The following KANK1 variants were observed in gnomAD, a reference collection of about 807,000 sequenced individuals.
The protein encoded by KANK1 is KN motif and ankyrin repeat domain-containing protein 1.
KANK1 carries 109 observed loss-of-function variants against 106.2 expected under a neutral mutation model. That is an observed-to-expected ratio of 1.03 (90% CI 0.88 to 1.20). The LOEUF is 1.20. Ranked by LOEUF, KANK1 falls within the 50% of genes most tolerant of loss-of-function variation. The pLI, the probability that KANK1 is intolerant of heterozygous loss-of-function variation, is 0.00. For missense variants in KANK1, 2,399 were observed against 1,710.7 expected, an observed-to-expected ratio of 1.40 and a Z score of -7.10; for synonymous variants, 873 against 652.2, an observed-to-expected ratio of 1.34 and a Z score of -5.16.
At position 567,611 on chromosome 9, in the gene KANK1, A is replaced by G. The variant is rs535840618; in HGVS notation, c.-84+62857A>G. Among the ~76,000 whole-genome samples the G allele has an allele frequency of 2.0e-5, 3 of 152,304 alleles. No homozygotes were observed. In the East Asian group the frequency reaches 5.8e-4, roughly 29 times the overall value. ...GCATTGATTGGAGCCAGCAAAGAGA[A>G]CTTTTGCAGCATTTCTTAGTTTGAA... On this transcript the variant is annotated intron_variant, in intron 1 of 11. Coordinates refer to ENST00000382297, the MANE Select transcript of KANK1 (RefSeq NM_015158.5).
intron 1 of KANK1, among the ~76,000 whole-genome samples, chr9:516,980 C>G (rs2059305835): frequency 1.5e-5 from 2 of 133,886 alleles, no homozygotes; most frequent in Admixed American, 7.3e-5. Flanking sequence ...AGTGTGGTTT[C>G]TATTCTTCAT....
At chr9:635,645 C>T (rs1369317861) in intron 1 of KANK1, among the ~76,000 whole-genome samples, 1 of 149,548 alleles carries the variant, frequency 6.7e-6, no homozygotes, top group Non-Finnish European at 1.5e-5. Flanking sequence ...ATGTGGCATT[C>T]ACAATTTATT....
chr9:728,008 C>T (rs1831191558), intron 3 of KANK1, among the ~76,000 whole-genome samples: 1 of 152,086 alleles, frequency 6.6e-6, no homozygotes, highest in African/African-American at 2.4e-5. Flanking sequence ...GGAATTCAGG[C>T]ACAACTGACC....
intron 1 of KANK1, among the ~76,000 whole-genome samples, chr9:561,122 C>G (rs962954753): frequency 3.3e-5 from 5 of 152,106 alleles, no homozygotes; most frequent in Non-Finnish European, 7.4e-5. Context: ...AAACTATGCC[C>G]TACCAGGAAT....
rs374023671 is a variant in KANK1, at chr9:711,588, G to A, written c.822G>A (p.Leu274=). 11 of 1,614,126 alleles carry A rather than the reference G, an allele frequency of 6.8e-6. No individual in the cohort carries two copies. In the African/African-American group the frequency reaches 1.5e-4, roughly 22 times the overall value. ...AGATGGCCATTGCTCTGAAACGCCTGAAGGAGCTGGAGGAGCAGGTGCGAA... is the reference window on the plus strand; with the variant it reads ...AGATGGCCATTGCTCTGAAACGCCTAAAGGAGCTGGAGGAGCAGGTGCGAA... ...REQMAIALKR[L]KELEEQVRTI... Residue 274 remains leucine (L), a synonymous_variant, in exon 3 of 12, where the codon CTG becomes CTA. Coordinates refer to ENST00000382297, the MANE Select transcript of KANK1 (RefSeq NM_015158.5).
chr9:735,820 C>G (rs1214560455), intron 7 of KANK1: 5 of 365,080 alleles, frequency 1.4e-5, no homozygotes, highest in African/African-American at 1.0e-4. Flanking sequence ...ATGGTGAAAC[C>G]CTTTCTCTAC....
At chr9:580,348 A>G (rs1177033206) in intron 1 of KANK1, among the ~76,000 whole-genome samples, 1 of 152,158 alleles carries the variant, frequency 6.6e-6, no homozygotes. Flanking sequence ...GATTTATTGC[A>G]AAGAGTGAAA....
At chr9:725,824 C>T (rs1027970599) in intron 3 of KANK1, among the ~76,000 whole-genome samples, 1 of 152,178 alleles carries the variant, frequency 6.6e-6, no homozygotes, top group African/African-American at 2.4e-5. Flanking sequence ...ATACAATCAA[C>T]ACTTAAGCTG....
At chr9:652,084 A>G (rs1433054265) in intron 1 of KANK1, among the ~76,000 whole-genome samples, 1 of 152,174 alleles carries the variant, frequency 6.6e-6, no homozygotes, top group Non-Finnish European at 1.5e-5. Flanking sequence ...GACATTATCC[A>G]TTAGAATGTG....
intron 2 of KANK1, among the ~76,000 whole-genome samples, chr9:688,738 G>A (rs1360269913): frequency 6.6e-6 from 1 of 152,194 alleles, no homozygotes; most frequent in African/African-American, 2.4e-5. Flanking sequence ...GTTCTTCCTG[G>A]CTGCCATGGC....
chr9:712,253 G>T lies in KANK1; in HGVS notation c.1487G>T (p.Gly496Val), dbSNP rs2130941837. Residue 496 changes from glycine to valine, a missense_variant, in exon 3 of 12, where the codon GGA (glycine) becomes GTA (valine). Transcript: ENST00000382297. ...CTGAAACAAGAGCTGCAGGCTGCTG[G>T]ATCGAGGAAAAAGGTTGACAAAGCC... ...TKLKQELQAA[G>V]SRKKVDKATM... 7 of 1,613,966 alleles carry T rather than the reference G, an allele frequency of 4.3e-6. No individual in the cohort carries two copies. In the East Asian group the frequency reaches 1.6e-4, roughly 36 times the overall value.
intron 1 of KANK1, among the ~76,000 whole-genome samples, chr9:615,059 C>G (rs1831478462): frequency 6.6e-6 from 1 of 151,814 alleles, no homozygotes; most frequent in African/African-American, 2.4e-5. Context: ...TCTTACTCAG[C>G]CTTCCGAGTA....
intron 1 of KANK1, among the ~76,000 whole-genome samples, chr9:641,333 T>A (rs1481206876): frequency 6.6e-6 from 1 of 152,244 alleles, no homozygotes; most frequent in Non-Finnish European, 1.5e-5. Context: ...CGTCGTTTCC[T>A]GAGTTAGAAG....
chr9:610,518 G>T (rs1032480714), intron 1 of KANK1, among the ~76,000 whole-genome samples: 2 of 152,178 alleles, frequency 1.3e-5, no homozygotes, highest in African/African-American at 4.8e-5. Context: ...CCATAGAGGT[G>T]TCCAGTGTTG....
At chr9:573,952 A>G (rs1229515549) in intron 1 of KANK1, among the ~76,000 whole-genome samples, 1 of 152,256 alleles carries the variant, frequency 6.6e-6, no homozygotes. Flanking sequence ...TAGAGTAGAA[A>G]GCTGAGAGTT....
chr9:588,556 C>G (rs1411076347), intron 1 of KANK1, among the ~76,000 whole-genome samples: 1 of 151,900 alleles, frequency 6.6e-6, no homozygotes, highest in Non-Finnish European at 1.5e-5. Flanking sequence ...ACTTTCAGCT[C>G]TCAGCAACAT....
At chr9:703,237 C>T (rs1427233592) in intron 2 of KANK1, among the ~76,000 whole-genome samples, 1 of 152,096 alleles carries the variant, frequency 6.6e-6, no homozygotes, top group Non-Finnish European at 1.5e-5. Context: ...AGTGAACTGC[C>T]CACCCTGGCC....
intron 3 of KANK1, among the ~76,000 whole-genome samples, chr9:474,748 G>A (rs1436114213): frequency 2.6e-5 from 4 of 152,176 alleles, no homozygotes; most frequent in Non-Finnish European, 5.9e-5. Context: ...AGCAGGGGGA[G>A]ATCAGAGGAT....
In KANK1 at chr9:534,248, G is replaced by A. The variant is rs576592505; in HGVS notation, c.-84+29494G>A. Among the ~76,000 whole-genome samples the A allele has an allele frequency of 3.9e-5, 6 of 152,320 alleles. No homozygotes were observed. In the East Asian group the frequency reaches 9.6e-4, roughly 24 times the overall value. On this transcript the variant is annotated intron_variant, in intron 1 of 11. Coordinates refer to ENST00000382297, the MANE Select transcript of KANK1 (RefSeq NM_015158.5). Reference sequence around the variant, plus strand: ...AAATGCAGAAATGTACGTTCTTCCAGCTTGTGAATGTTGAACAATGGAATT... The same window carrying A: ...AAATGCAGAAATGTACGTTCTTCCAACTTGTGAATGTTGAACAATGGAATT...
Sources: gnomAD v4.1 joint callset for allele counts (sites outside exome capture counted in the v4.1 genomes callset) on GRCh38, gnomAD v4.1.1 for gene constraint, MANE v1.5 for transcripts, NCBI Gene and HGNC (gene_info 2026-07-23, HGNC 2026-07-21) for gene names.